Variants in C3orf33 observed in about 807,000 individuals in gnomAD.
C3orf33 encodes the protein mitochondrial inner membrane subdomain organizer 1, also known as AP-1 activity suppressor.
Under a neutral mutation model 28.7 loss-of-function variants are expected in C3orf33, and 23 were observed. The ratio of observed to expected loss-of-function variants is 0.80; its 90% confidence interval spans 0.58 to 1.13. C3orf33 has a LOEUF of 1.13. C3orf33 is among the 50% of genes most tolerant of loss of function. C3orf33 has a pLI of 0.00. For missense variants in C3orf33, 327 were observed against 353.4 expected (o/e 0.93, Z 0.60); for synonymous variants, 119 against 120.5 (o/e 0.99, Z 0.08).
intron 2 of C3orf33, among the ~76,000 whole-genome samples, chr3:155,787,427 G>A (rs1380267376): frequency 6.9e-6 from 1 of 145,966 alleles, no homozygotes; most frequent in Non-Finnish European, 1.5e-5. Context: ...TCGGCTCACT[G>A]TGCAACCTCT....
intron 2 of C3orf33, among the ~76,000 whole-genome samples, chr3:155,777,494 T>C (rs1750789140): frequency 6.6e-6 from 1 of 151,744 alleles, no homozygotes; most frequent in Non-Finnish European, 1.5e-5. Flanking sequence ...AGGCTGCAGC[T>C]CAGTGGCATA....
rs758679808 is a variant in C3orf33 at position 155,763,775 on chromosome 3, T to G, written c.627A>C (p.Leu209Phe). 6.5e-5 allele frequency: 105 copies of G among 1,606,252 alleles called. No individual in the cohort carries two copies. The South Asian group carries it at 1.2e-3, about 18-fold the overall frequency. ...CCTTCCATATTCCTTCTCCTTTTTT[T>G]AAGGCTGTTAATTCAGCTTTAAGTA... ...RNLLKAELTA[L>F]KKGEGIWKED... Residue 209 changes from leucine (L) to phenylalanine (F), a missense_variant, in exon 5 of 5, where the codon TTA becomes TTC. Transcript: ENST00000340171.
At position 155,783,456 on chromosome 3, in the gene C3orf33, A is replaced by C. The variant is rs368722729; in HGVS notation, c.175-7608T>G. 1.3e-3 allele frequency among the ~76,000 whole-genome samples: 181 copies of C among 143,940 alleles called. 2 individuals are homozygous for C. Among genetic ancestry groups the C allele is most frequent in the Middle Eastern group, 3.9e-3 (1 of 258 alleles). 94.4% of individuals were successfully genotyped at this position (143,940 alleles called of 152,430 possible). A position where few individuals can be genotyped will look rare whatever the true frequency, so the allele number is the denominator to read the frequency against. On this transcript the variant is annotated intron_variant, in intron 2 of 4. Coordinates refer to ENST00000340171, the MANE Select transcript of C3orf33 (RefSeq NM_001308229.2). ...AGGCATGAGCCACCGCACCCAGCAA[A>C]CCTGTACTACATTTTTTTTTTTTTT...
intron 2 of C3orf33, among the ~76,000 whole-genome samples, chr3:155,790,657 G>C (rs948418455): frequency 6.6e-6 from 1 of 152,184 alleles, no homozygotes; most frequent in African/African-American, 2.4e-5. Context: ...TATGCACTTG[G>C]ATGGGGGAGA....
rs200279997 is a variant in C3orf33, at chr3:155,767,661, G to A, written c.331C>T (p.Arg111Cys). The change falls in exon 4 of 5, where the codon CGT becomes TGT. Residue 111 changes from arginine (R) to cysteine (C), a missense_variant. Transcript: ENST00000340171. The stretch of plus-strand genomic sequence containing the variant: ...GCCAACTTAACCAGCAAAGCACCAC[G>A]TGGCTCTTCTAAAAAGGTTAGGTAG... Reference protein sequence around the residue: ...PIIASLRKEPRGALLVKLAGV... With the variant: ...PIIASLRKEPCGALLVKLAGV... 406 of 1,550,698 alleles carry A rather than the reference G, an allele frequency of 2.6e-4. No individual in the cohort carries two copies. Among genetic ancestry groups the A allele is most frequent in the Middle Eastern group, 1.9e-3 (11 of 5,890 alleles).
At chr3:155,764,805 G>A (rs1421890056) in intron 4 of C3orf33, among the ~76,000 whole-genome samples, 1 of 151,408 alleles carries the variant, frequency 6.6e-6, no homozygotes, top group African/African-American at 2.4e-5. Context: ...GCAGTGAGCC[G>A]AGATCACACC....
At chr3:155,783,467 ATT>A (rs57517417) in intron 2 of C3orf33, among the ~76,000 whole-genome samples, 11 of 134,138 alleles carry the variant, frequency 8.2e-5, no homozygotes, top group Admixed American at 7.7e-5. Context: ...CCTGTACTAC[ATT>A]TTTTTTTTTT....
intron 2 of C3orf33, among the ~76,000 whole-genome samples, chr3:155,800,658 G>C (rs996800575): frequency 1.4e-4 from 14 of 103,310 alleles, no homozygotes; most frequent in Non-Finnish European, 2.3e-4. Flanking sequence ...ATACAGAATG[G>C]ATGTGAGAAA....
At chr3:155,779,178 AC>A (rs1217737708) in intron 2 of C3orf33, among the ~76,000 whole-genome samples, 1 of 152,172 alleles carries the variant, frequency 6.6e-6, no homozygotes, top group African/African-American at 2.4e-5. Flanking sequence ...TCTCCTCACC[AC>A]CAAAAAAAGT....
chr3:155,775,617 T>C (rs1750720345), intron 3 of C3orf33, 84 bp downstream of exon 3: 3 of 951,476 alleles, frequency 3.2e-6, no homozygotes, highest in Non-Finnish European at 4.5e-6. Flanking sequence ...GGAATTAAAA[T>C]GACTTTTTTT....
At chr3:155,805,679 C>T (rs745623189) in intron 1 of C3orf33, 5 of 454,884 alleles carry the variant, frequency 1.1e-5, no homozygotes, top group South Asian at 4.7e-5. Flanking sequence ...GAGCTATGAT[C>T]GTGCCACTGC....
chr3:155,802,768 T>C (rs994025201), intron 1 of C3orf33, among the ~76,000 whole-genome samples, 177 bp from the exon 2 acceptor site: 1 of 152,182 alleles, frequency 6.6e-6, no homozygotes, highest in Admixed American at 6.6e-5. Flanking sequence ...TTCATTATGA[T>C]GAATTCTTTT....
chr3:155,800,796 A>G (rs1040913824), intron 2 of C3orf33, among the ~76,000 whole-genome samples: 5 of 152,040 alleles, frequency 3.3e-5, no homozygotes, highest in Non-Finnish European at 7.4e-5. Context: ...ACACAAAAGC[A>G]TATATGAAGG....
chr3:155,773,180 G>C (rs1223442734), intron 3 of C3orf33, among the ~76,000 whole-genome samples: 1 of 152,174 alleles, frequency 6.6e-6, no homozygotes, highest in African/African-American at 2.4e-5. Flanking sequence ...TGAAGACTAT[G>C]CTCTAGCAAC....
At chr3:155,783,592 A>C (rs1384886647) in intron 2 of C3orf33, among the ~76,000 whole-genome samples, 1 of 151,416 alleles carries the variant, frequency 6.6e-6, no homozygotes, top group African/African-American at 2.4e-5. Context: ...TCAGCCTACC[A>C]AGTAGCTGGG....
At chr3:155,775,633 T>C in intron 3 of C3orf33, 68 bp downstream of exon 3, 1 of 1,126,622 alleles carries the variant, frequency 8.9e-7, no homozygotes, top group Non-Finnish European at 1.2e-6. Flanking sequence ...TTTTTTGCTA[T>C]TTTATAAATA....
At chr3:155,783,063 G>A (rs554196082) in intron 2 of C3orf33, among the ~76,000 whole-genome samples, 1 of 152,156 alleles carries the variant, frequency 6.6e-6, no homozygotes, top group Middle Eastern at 3.4e-3. Flanking sequence ...TTGTTTAACA[G>A]CCAATACTGG....
chr3:155,770,501 C>T (rs1750547175), intron 3 of C3orf33, among the ~76,000 whole-genome samples: 1 of 152,170 alleles, frequency 6.6e-6, no homozygotes, highest in African/African-American at 2.4e-5. Flanking sequence ...TAATGAAACA[C>T]TATCAACCTA....
At chr3:155,794,661 C>A (rs550630843) in intron 2 of C3orf33, among the ~76,000 whole-genome samples, 6 of 151,848 alleles carry the variant, frequency 4.0e-5, no homozygotes, top group Non-Finnish European at 7.4e-5. Flanking sequence ...TAAAGATACA[C>A]ATAGATTGAA....
Sources: allele counts gnomAD v4.1 joint callset (sites outside exome capture counted in the v4.1 genomes callset), GRCh38; gene constraint gnomAD v4.1.1; transcripts MANE v1.5; gene names NCBI Gene and HGNC (gene_info 2026-07-23, HGNC 2026-07-21).